The following MYO1E variants were observed in gnomAD, a reference collection of about 807,000 sequenced individuals.
MYO1E encodes unconventional myosin-Ie.
A neutral mutation model predicts 151.1 loss-of-function variants in MYO1E; 68 were observed. That is an observed-to-expected ratio of 0.45 (90% CI 0.37 to 0.55). The LOEUF (loss-of-function observed/expected upper bound fraction) is 0.55, where lower values mean the gene tolerates loss of function less well. Ranked by LOEUF, MYO1E falls within the 20% of genes least tolerant of loss-of-function variation. MYO1E has a pLI of 0.00. For synonymous variants in MYO1E, 601 were observed against 501.7 expected (o/e 1.20, Z -2.64); for missense variants, 1,363 against 1,389.3 (o/e 0.98, Z 0.30).
chr15:59,319,550 C>CTTT (rs59491381), intron 1 of MYO1E, among the ~76,000 whole-genome samples: 642 of 63,540 alleles, frequency 0.01, 70 homozygotes, highest in Non-Finnish European at 0.015. Flanking sequence ...GTCAAACTAC[C>CTTT]TTTTTTTTTT....
chr15:59,203,807 G>A (rs907051820), intron 15 of MYO1E, among the ~76,000 whole-genome samples: 1 of 152,148 alleles, frequency 6.6e-6, no homozygotes, highest in African/African-American at 2.4e-5. Flanking sequence ...GTGCACAGTT[G>A]GTCCATAATA....
chr15:59,363,023 T>G (rs1453169744), intron 1 of MYO1E, among the ~76,000 whole-genome samples: 1 of 141,856 alleles, frequency 7.0e-6, no homozygotes, highest in African/African-American at 2.6e-5. Context: ...TCACCCAGGC[T>G]GGAATGCAGT....
chr15:59,281,961 CAA>C (rs377210595), intron 1 of MYO1E, among the ~76,000 whole-genome samples: 9 of 117,418 alleles, frequency 7.7e-5, no homozygotes, highest in Admixed American at 8.9e-5. Flanking sequence ...AGACCCTGTT[CAA>C]AAAAAAAAAA....
chr15:59,284,273 T>C (rs1273200394), intron 1 of MYO1E, among the ~76,000 whole-genome samples: 4 of 152,206 alleles, frequency 2.6e-5, no homozygotes, highest in South Asian at 2.1e-4. Context: ...ATAGGAGTCC[T>C]GGGCCCAGAG....
chr15:59,290,710 G>A (rs1409089694), intron 1 of MYO1E, among the ~76,000 whole-genome samples: 24 of 152,192 alleles, frequency 1.6e-4, no homozygotes, highest in Non-Finnish European at 2.9e-5. Context: ...AAGTAGGCAA[G>A]ATAGACATCA....
intron 1 of MYO1E, among the ~76,000 whole-genome samples, chr15:59,323,168 C>CAAAAAAAA (rs10569332): frequency 6.3e-5 from 4 of 63,694 alleles, no homozygotes; most frequent in African/African-American, 2.1e-4. Flanking sequence ...GACCCCATCA[C>CAAAAAAAA]AAAAAAAAAA....
chr15:59,153,537 G>A (rs1461655654), intron 26 of MYO1E, 53 bp downstream of exon 26: 6 of 1,574,954 alleles, frequency 3.8e-6, no homozygotes, highest in Non-Finnish European at 5.2e-6. Flanking sequence ...CCCTTGTTTT[G>A]AATGATGGAG....
In MYO1E at chr15:59,177,490, G is replaced by A. The variant is rs1233818214; in HGVS notation, c.2049+903C>T. ...TTCCCATATGATTTCCCCTTGGTCTGATGACTGATTTCTGCCAAGTTCATC... is the reference window on the plus strand; with the variant it reads ...TTCCCATATGATTTCCCCTTGGTCTAATGACTGATTTCTGCCAAGTTCATC... On this transcript the variant is annotated intron_variant, in intron 19 of 27. Transcript: ENST00000288235. Among the ~76,000 whole-genome samples, 3 of 152,180 alleles carry A rather than the reference G, an allele frequency of 2.0e-5. No homozygotes were observed. In the South Asian group the frequency reaches 6.2e-4, roughly 32 times the overall value.
At position 59,210,505 on chromosome 15, in the gene MYO1E, A is replaced by G. The variant is rs1284764126; in HGVS notation, c.1362+9T>C. On this transcript the variant is annotated intron_variant, in intron 13 of 27. Transcript: ENST00000288235. ...GAGCAGTGAAAAGACATACTAAATGAACACTTACCACTTTGTTCTCTATGA... is the reference window on the plus strand; with the variant it reads ...GAGCAGTGAAAAGACATACTAAATGGACACTTACCACTTTGTTCTCTATGA... 1 of 1,546,270 alleles carries G rather than the reference A, an allele frequency of 6.5e-7. No homozygotes were observed. Among genetic ancestry groups the G allele is most frequent in the African/African-American group, 1.4e-5 (1 of 73,560 alleles).
At chr15:59,285,114 T>C (rs1282301550) in intron 1 of MYO1E, among the ~76,000 whole-genome samples, 1 of 152,156 alleles carries the variant, frequency 6.6e-6, no homozygotes, top group Non-Finnish European at 1.5e-5. Context: ...AATGTAACTT[T>C]TCTTCCTAAT....
chr15:59,355,471 C>T (rs2080847837), intron 1 of MYO1E, among the ~76,000 whole-genome samples: 1 of 152,182 alleles, frequency 6.6e-6, no homozygotes, highest in Non-Finnish European at 1.5e-5. Flanking sequence ...CTTCACCCAG[C>T]CACCTGGAGC....
At chr15:59,300,876 T>C (rs1347072184) in intron 1 of MYO1E, among the ~76,000 whole-genome samples, 6 of 148,282 alleles carry the variant, frequency 4.0e-5, no homozygotes, top group Non-Finnish European at 7.5e-5. Flanking sequence ...CTTTTTTTTT[T>C]TTTTTTTTTG....
Position 59,356,239 on chromosome 15 carries a change from C to T in MYO1E, c.3+16259G>A, listed in dbSNP as rs571080262. ...ACAAGCCACCTGGCTTTCAGGTGCC[C>T]TTTTAAGTGTCTTTTTATCACCTGT... On this transcript the variant is annotated intron_variant, in intron 1 of 27. Coordinates refer to ENST00000288235, the MANE Select transcript of MYO1E (RefSeq NM_004998.4). Among the ~76,000 whole-genome samples, 3 of 152,266 alleles carry T rather than the reference C, an allele frequency of 2.0e-5. No individual in the cohort carries two copies. The South Asian group carries it at 6.2e-4, about 32-fold the overall frequency.
intron 17 of MYO1E, among the ~76,000 whole-genome samples, chr15:59,189,703 T>C (rs1441786633): frequency 2.0e-5 from 3 of 152,168 alleles, no homozygotes; most frequent in Admixed American, 6.5e-5. Context: ...GCATCTCGAA[T>C]AGCTGGAATT....
rs575189424 is a variant in MYO1E at position 59,171,775 on chromosome 15, T to C, written c.2480+122A>G. The C allele has an allele frequency of 8.6e-5, 110 of 1,277,652 alleles. No individual in the cohort carries two copies. In the African/African-American group the frequency reaches 1.3e-3, roughly 15 times the overall value. The allele number at this position is 1,277,652 out of a possible 1,614,324, so 79.1% of individuals were successfully genotyped here. ...TTTGGGACAAAGGGAAATTCCATTC[T>C]CTTGATCATGATTTTGACAGCTGGG... On this transcript the variant is annotated intron_variant, in intron 22 of 27. Coordinates refer to ENST00000288235, the MANE Select transcript of MYO1E (RefSeq NM_004998.4).
At chr15:59,304,849 T>C (rs1482303086) in intron 1 of MYO1E, among the ~76,000 whole-genome samples, 2 of 152,276 alleles carry the variant, frequency 1.3e-5, no homozygotes, top group Non-Finnish European at 2.9e-5. Context: ...AACTTGTCTT[T>C]ACCCTGTCAT....
intron 26 of MYO1E, among the ~76,000 whole-genome samples, chr15:59,151,394 C>T (rs553269388): frequency 6.6e-5 from 10 of 152,166 alleles, no homozygotes; most frequent in Non-Finnish European, 8.8e-5. Flanking sequence ...TGCACCACTG[C>T]ACTCCAGCCT....
chr15:59,204,505 C>T (rs184183417), intron 15 of MYO1E, among the ~76,000 whole-genome samples: 1 of 152,330 alleles, frequency 6.6e-6, no homozygotes, highest in East Asian at 1.9e-4. Flanking sequence ...ATCTGGCATG[C>T]ATGGGCCTTG....
At position 59,173,808 on chromosome 15, in the gene MYO1E, C is replaced by T. The variant is rs372456811; in HGVS notation, c.2272G>A (p.Val758Met). ...MEEHPELQQF[V>M]GKREKIDFAD... ...AAATCAATCTTCTCCCTCTTGCCCA[C>T]GAACTGCTGGAGTTCTGGGTGCTCT... The change falls in exon 21 of 28, where the codon GTG becomes ATG. Residue 758 changes from valine to methionine, a missense_variant. Transcript: ENST00000288235. 1.2e-5 allele frequency: 20 copies of T among 1,614,048 alleles called. No individual in the cohort carries two copies. The highest frequency in any genetic ancestry group is 5.0e-5 in the Admixed American group (3 of 60,022).
Sources: allele counts gnomAD v4.1 joint callset (sites outside exome capture counted in the v4.1 genomes callset), GRCh38; gene constraint gnomAD v4.1.1; transcripts MANE v1.5; gene names NCBI Gene and HGNC (gene_info 2026-07-23, HGNC 2026-07-21).